Variants in MEI1 observed in about 807,000 individuals in gnomAD.
The protein encoded by MEI1 is meiosis inhibitor protein 1.
Under a neutral mutation model 146.2 loss-of-function variants are expected in MEI1, and 103 were observed. The observed-to-expected ratio is 0.70, with a 90% CI of 0.60 to 0.83. The LOEUF is 0.83. Among genes scored for constraint, MEI1 ranks in the 40% least tolerant of loss-of-function variants. MEI1 has a pLI of 0.00. For missense variants in MEI1, 1,529 were observed against 1,533.0 expected, an observed-to-expected ratio of 1.00 and a Z score of 0.04; for synonymous variants, 652 against 628.2, an observed-to-expected ratio of 1.04 and a Z score of -0.57.
chr22:41,793,952 T>C, intron 27 of MEI1, 42 bp downstream of exon 27: 1 of 1,552,108 alleles, frequency 6.4e-7, no homozygotes, highest in Non-Finnish European at 8.8e-7. Flanking sequence ...ATGAGAGAGA[T>C]TAGAGGGAGC....
chr22:41,759,181 T>C (rs1354408605), intron 18 of MEI1, among the ~76,000 whole-genome samples: 1 of 151,762 alleles, frequency 6.6e-6, no homozygotes, highest in African/African-American at 2.4e-5. Flanking sequence ...AAAGGGCTGT[T>C]CTTTCTTAAG....
At chr22:41,787,102 A>G (rs933658406) in intron 26 of MEI1, among the ~76,000 whole-genome samples, 3 of 152,152 alleles carry the variant, frequency 2.0e-5, no homozygotes, top group African/African-American at 7.2e-5. Flanking sequence ...TCATATCACT[A>G]TTCCCCCAAC....
At chr22:41,798,381 AGCC>A (rs2076449780) in intron 30 of MEI1, among the ~76,000 whole-genome samples, 1 of 152,094 alleles carries the variant, frequency 6.6e-6, no homozygotes. Flanking sequence ...GTTTGAGACC[AGCC>A]TGGCCAACAT....
intron 5 of MEI1, among the ~76,000 whole-genome samples, chr22:41,716,686 C>CTTTTT (rs55994680): frequency 9.2e-6 from 1 of 108,150 alleles, no homozygotes; most frequent in Non-Finnish European, 1.8e-5. Context: ...TCCATTCATT[C>CTTTTT]TTTTTTTTTT....
chr22:41,783,347 C>G (rs1387094354), intron 24 of MEI1, among the ~76,000 whole-genome samples: 1 of 152,008 alleles, frequency 6.6e-6, no homozygotes, highest in Non-Finnish European at 1.5e-5. Flanking sequence ...GGCTGGAGTG[C>G]AATGGTGTGA....
At chr22:41,746,082 G>T in intron 14 of MEI1, 56 bp downstream of exon 14, 1 of 1,494,278 alleles carries the variant, frequency 6.7e-7, no homozygotes, top group Non-Finnish European at 9.0e-7. Flanking sequence ...AGAATGTGCA[G>T]GCGAGCCAGG....
At chr22:41,740,033 TG>T (rs954504993) in intron 11 of MEI1, among the ~76,000 whole-genome samples, 15 of 147,744 alleles carry the variant, frequency 1.0e-4, no homozygotes, top group South Asian at 2.2e-4. Context: ...TTTTTTTTGG[TG>T]GGGGGGGTGG....
chr22:41,770,971 C>T lies in MEI1; in HGVS notation c.2544+10C>T. On this transcript the variant is annotated intron_variant, in intron 20 of 30. Transcript: ENST00000401548. ...CCTGCTCATCTTGCTGGTAGGCAAC[C>T]ACTCATTCATTTCTACATTCAGAAA... 6.2e-7 allele frequency: 1 copy of T among 1,610,786 alleles called. No individual in the cohort carries two copies.
intron 21 of MEI1, among the ~76,000 whole-genome samples, chr22:41,778,063 C>G (rs907002603): frequency 6.6e-6 from 1 of 152,032 alleles, no homozygotes; most frequent in Middle Eastern, 3.4e-3. Flanking sequence ...TCCCCTGCCC[C>G]CCACAGCCTT....
At chr22:41,719,579 A>C (rs1209630520) in intron 6 of MEI1, among the ~76,000 whole-genome samples, 1 of 152,190 alleles carries the variant, frequency 6.6e-6, no homozygotes, top group Non-Finnish European at 1.5e-5. Context: ...TCCAAACCCA[A>C]ACCCCAAACT....
rs769575109 is a variant in MEI1 at position 41,799,267 on chromosome 22, G to A, written c.3793G>A (p.Val1265Met). 3.1e-6 allele frequency: 5 copies of A among 1,613,384 alleles called. No individual in the cohort carries two copies. Among genetic ancestry groups the A allele is most frequent in the Admixed American group, 1.7e-5 (1 of 59,978 alleles). Reference sequence around the variant, plus strand: ...TTTTGCTGCCAGCTGCCTGGGAGGGGTGGCTGTATCCCTGTCCCACATCAG... The same window carrying A: ...TTTTGCTGCCAGCTGCCTGGGAGGGATGGCTGTATCCCTGTCCCACATCAG... ...PLQDMLCLGG[V>M]AVSLSHIRN The change falls in exon 31 of 31, where the codon GTG becomes ATG. Residue 1265 changes from valine (V) to methionine (M), a missense_variant. Physicochemically the swap from Val to Met is conservative, Grantham distance 21. Coordinates refer to ENST00000401548, the MANE Select transcript of MEI1 (RefSeq NM_152513.4).
intron 26 of MEI1, among the ~76,000 whole-genome samples, chr22:41,788,754 T>C (rs929974123): frequency 1.3e-5 from 2 of 152,146 alleles, no homozygotes; most frequent in Non-Finnish European, 2.9e-5. Flanking sequence ...AGTGAAGTAT[T>C]GTATAGCACT....
chr22:41,704,625 G>T (rs188672568), intron 2 of MEI1, among the ~76,000 whole-genome samples: 1 of 151,924 alleles, frequency 6.6e-6, no homozygotes, highest in Admixed American at 6.6e-5. Flanking sequence ...TGTTGGCCAG[G>T]CTGGTCTCGA....
intron 19 of MEI1, among the ~76,000 whole-genome samples, chr22:41,770,258 G>T (rs2075099154): frequency 6.6e-6 from 1 of 152,100 alleles, no homozygotes; most frequent in African/African-American, 2.4e-5. Context: ...GTCTAGTGTG[G>T]GAAGTAGACA....
chr22:41,740,046 G>A (rs1425333374), intron 11 of MEI1, among the ~76,000 whole-genome samples: 2 of 151,614 alleles, frequency 1.3e-5, no homozygotes, highest in Non-Finnish European at 2.9e-5. Flanking sequence ...GGGGGGTGGA[G>A]TCTCGCTCTG....
At chr22:41,732,640 C>CATAT in intron 11 of MEI1, 37 bp downstream of exon 11, 1 of 1,601,358 alleles carries the variant, frequency 6.2e-7, no homozygotes, top group Non-Finnish European at 8.5e-7. Flanking sequence ...TCCATCCCTG[C>CATAT]ATATACCTAA....
intron 15 of MEI1, 149 bp downstream of exon 15, chr22:41,748,367 G>A: frequency 4.6e-6 from 3 of 649,582 alleles, no homozygotes; most frequent in Non-Finnish European, 8.3e-6. Flanking sequence ...ATGAGTGAAA[G>A]GAAGTGTCAG....
Position 41,781,893 on chromosome 22 carries a change from G to A in MEI1, c.3087+48G>A, listed in dbSNP as rs779069838. On this transcript the variant is annotated intron_variant, in intron 24 of 30. Transcript: ENST00000401548. Reference sequence around the variant, plus strand: ...TTTGAGGCATGGGGTGGCACTCAAAGGAGTGTTGAAGATCCTGAGTTCTGG... The same window carrying A: ...TTTGAGGCATGGGGTGGCACTCAAAAGAGTGTTGAAGATCCTGAGTTCTGG... 21 of 1,603,398 alleles carry A rather than the reference G, an allele frequency of 1.3e-5. No homozygotes were observed. The African/African-American group carries it at 2.7e-4, about 20-fold the overall frequency.
intron 30 of MEI1, among the ~76,000 whole-genome samples, chr22:41,797,936 C>G (rs1286186237): frequency 6.6e-6 from 1 of 152,088 alleles, no homozygotes; most frequent in African/African-American, 2.4e-5. Flanking sequence ...AATAACGAAA[C>G]TGAGGCCAGA....
Sources: allele counts gnomAD v4.1 joint callset (sites outside exome capture counted in the v4.1 genomes callset), GRCh38; gene constraint gnomAD v4.1.1; transcripts MANE v1.5; gene names NCBI Gene and HGNC (gene_info 2026-07-23, HGNC 2026-07-21).